Variants in TRMT11 observed in about 807,000 individuals in gnomAD.
TRMT11 encodes tRNA methyltransferase 11.
TRMT11 carries 53 observed loss-of-function variants against 62.8 expected under a neutral mutation model. That is an observed-to-expected ratio of 0.84 (90% CI 0.68 to 1.06). TRMT11 has a LOEUF of 1.06. TRMT11 is among the 50% of genes least tolerant of loss of function. The pLI, the probability that TRMT11 is intolerant of heterozygous loss-of-function variation, is 0.00. For synonymous variants in TRMT11, 188 were observed against 190.3 expected, an observed-to-expected ratio of 0.99 and a Z score of 0.10; for missense variants, 556 against 553.4, an observed-to-expected ratio of 1.00 and a Z score of -0.05.
At chr6:126,082,491 G>A (rs1207395123) in intron 17 of TRMT11, among the ~76,000 whole-genome samples, 1 of 152,044 alleles carries the variant, frequency 6.6e-6, no homozygotes, top group Admixed American at 6.6e-5. Flanking sequence ...GCAGAATCTT[G>A]TCCCAAATCA....
At chr6:126,005,007 A>G (rs1266398232) in intron 7 of TRMT11, among the ~76,000 whole-genome samples, 2 of 152,064 alleles carry the variant, frequency 1.3e-5, no homozygotes, top group Admixed American at 6.6e-5. Flanking sequence ...GTGTGTCTCC[A>G]CTTTCCCAAA....
Position 126,112,596 on chromosome 6 carries a change from T to G in TRMT11, c.*1438-270T>G, listed in dbSNP as rs73773365. Reference sequence around the variant, plus strand: ...TGGCCTTGCCATCTGCAATGATCGGTTGTAGTAATAACAATCTCTGGGTGC... The same window carrying G: ...TGGCCTTGCCATCTGCAATGATCGGGTGTAGTAATAACAATCTCTGGGTGC... On this transcript the variant is annotated intron_variant and NMD_transcript_variant, in intron 17 of 22. Coordinates refer to the TRMT11 transcript ENST00000648977. 6.1e-3 allele frequency among the ~76,000 whole-genome samples: 933 copies of G among 152,224 alleles called. 5 individuals are homozygous for G. The highest frequency in any genetic ancestry group is 0.021 in the African/African-American group (866 of 41,556).
intron 21 of TRMT11, among the ~76,000 whole-genome samples, chr6:126,171,340 A>G (rs1778328138): frequency 6.6e-6 from 1 of 152,004 alleles, no homozygotes; most frequent in Non-Finnish European, 1.5e-5. Context: ...CAAGTGATAG[A>G]TAGACATTGT....
chr6:126,018,466 TA>T (rs747333287), intron 11 of TRMT11, among the ~76,000 whole-genome samples: 11 of 152,006 alleles, frequency 7.2e-5, no homozygotes, highest in South Asian at 4.2e-4. Flanking sequence ...TGTACACAAT[TA>T]TTTTTTTTTA....
At chr6:126,225,685 ATTTTTTT>A in the TRMT11 span, among the ~76,000 whole-genome samples, 208 of 95,296 alleles carry the variant, frequency 2.2e-3, no homozygotes, top group South Asian at 0.015. Flanking sequence ...TATGTTTACT[ATTTTTTT>A]TTTTTTTTTT....
At chr6:126,210,457 AC>A in the TRMT11 span, among the ~76,000 whole-genome samples, 1 of 152,138 alleles carries the variant, frequency 6.6e-6, no homozygotes, top group African/African-American at 2.4e-5. Flanking sequence ...GCTATGTAAA[AC>A]CCTGAACAAA....
At chr6:126,163,951 G>A (rs1192706177) in intron 21 of TRMT11, among the ~76,000 whole-genome samples, 1 of 152,056 alleles carries the variant, frequency 6.6e-6, no homozygotes, top group African/African-American at 2.4e-5. Context: ...TTTTTCGAAG[G>A]GTTTTTCATG....
intron 1 of TRMT11, among the ~76,000 whole-genome samples, chr6:126,189,873 C>CA (rs1372379459): frequency 1.3e-5 from 2 of 151,990 alleles, no homozygotes; most frequent in Admixed American, 1.3e-4. Flanking sequence ...ATTTTCATTA[C>CA]AAGCCCTTTT....
chr6:125,986,614 C>A lies in TRMT11; in HGVS notation c.64C>A (p.Arg22Ser). Residue 22 changes from arginine (R) to serine (S), a missense_variant, in exon 1 of 13, where the codon CGC becomes AGC. Coordinates refer to ENST00000334379, the MANE Select transcript of TRMT11 (RefSeq NM_001031712.3). The stretch of plus-strand genomic sequence containing the variant: ...CATGGCGCAGGAGCATCTGGAGTTC[C>A]GCCTGCCGGTGAGTCCGTAGCGCCC... Reference protein sequence around the residue: ...LLMAQEHLEFRLPEIKSLLLL... With the variant: ...LLMAQEHLEFSLPEIKSLLLL... 1 of 1,577,294 alleles carries A rather than the reference C, an allele frequency of 6.3e-7. No homozygotes were observed.
At chr6:126,093,922 A>G (rs955568924) in intron 17 of TRMT11, among the ~76,000 whole-genome samples, 1 of 152,102 alleles carries the variant, frequency 6.6e-6, no homozygotes, top group Non-Finnish European at 1.5e-5. Context: ...AAGACTTAAC[A>G]AAATGCTTTA....
At chr6:126,042,178 T>A (rs917502587), downstream of TRMT11, among the ~76,000 whole-genome samples, 18 of 152,196 alleles carry the variant, frequency 1.2e-4, no homozygotes, top group Non-Finnish European at 2.5e-4. Flanking sequence ...ATACTGTGAT[T>A]CTATCTGGTC....
chr6:126,062,965 G>A (rs1776579855), intron 17 of TRMT11, among the ~76,000 whole-genome samples: 1 of 152,028 alleles, frequency 6.6e-6, no homozygotes, highest in Non-Finnish European at 1.5e-5. Flanking sequence ...TTAATATCCT[G>A]TATCATCAGT....
the TRMT11 span, among the ~76,000 whole-genome samples, chr6:126,236,578 C>T: frequency 1.3e-5 from 2 of 151,990 alleles, no homozygotes; most frequent in African/African-American, 4.8e-5. Context: ...AACAGATGCA[C>T]CAGGAATGAA....
At chr6:126,106,305 G>T (rs1425007718) in intron 17 of TRMT11, among the ~76,000 whole-genome samples, 7 of 151,904 alleles carry the variant, frequency 4.6e-5, no homozygotes, top group Non-Finnish European at 1.0e-4. Flanking sequence ...CACCATGCCT[G>T]GCTAATATTT....
intron 21 of TRMT11, among the ~76,000 whole-genome samples, chr6:126,137,494 C>G (rs1014617827): frequency 6.6e-6 from 1 of 151,424 alleles, no homozygotes; most frequent in Admixed American, 6.6e-5. Context: ...CTGGCAAGGA[C>G]GCAGAGAAAG....
At chr6:126,023,070 T>C (rs1214196652) in intron 12 of TRMT11, among the ~76,000 whole-genome samples, 2 of 152,240 alleles carry the variant, frequency 1.3e-5, no homozygotes, top group African/African-American at 4.8e-5. Context: ...AAAATGATTT[T>C]ACTGGACTTT....
chr6:126,216,927 G>A, the TRMT11 span, among the ~76,000 whole-genome samples: 6 of 151,510 alleles, frequency 4.0e-5, no homozygotes, highest in Non-Finnish European at 7.4e-5. Flanking sequence ...TACTTTTTTT[G>A]GTCTTCTTTT....
At chr6:126,007,525 A>G (rs767779146) in intron 7 of TRMT11, among the ~76,000 whole-genome samples, 5 of 152,044 alleles carry the variant, frequency 3.3e-5, no homozygotes, top group Non-Finnish European at 7.4e-5. Context: ...TTTAATTTGA[A>G]TGATTAAAAA....
the TRMT11 span, among the ~76,000 whole-genome samples, chr6:126,245,081 C>T: frequency 1.3e-5 from 2 of 152,014 alleles, no homozygotes; most frequent in Non-Finnish European, 2.9e-5. Flanking sequence ...GAGAAAATCC[C>T]CATTTGTCTT....
Sources: allele counts gnomAD v4.1 joint callset (sites outside exome capture counted in the v4.1 genomes callset), GRCh38; gene constraint gnomAD v4.1.1; transcripts MANE v1.5; gene names NCBI Gene and HGNC (gene_info 2026-07-23, HGNC 2026-07-21).